Variants in MLYCD observed in about 807,000 individuals in gnomAD.
The protein encoded by MLYCD is malonyl-CoA decarboxylase.
In MLYCD, 27 loss-of-function variants were observed where a neutral mutation model predicts 35.8. The ratio of observed to expected loss-of-function variants is 0.75; its 90% CI spans 0.56 to 1.04. The LOEUF (loss-of-function observed/expected upper bound fraction) is 1.04. Ranked by LOEUF, MLYCD falls within the 50% of genes least tolerant of loss-of-function variation. The probability of loss-of-function intolerance (pLI) is 0.00; values close to 1 mark genes in which losing one functional copy is unlikely to be tolerated. For synonymous variants in MLYCD, 403 were observed against 302.4 expected, an observed-to-expected ratio of 1.33 and a Z score of -3.45; for missense variants, 917 against 665.1, an observed-to-expected ratio of 1.38 and a Z score of -4.17.
intron 3 of MLYCD, among the ~76,000 whole-genome samples, chr16:83,910,541 T>C (rs1907137386): frequency 6.6e-6 from 1 of 151,768 alleles, no homozygotes; most frequent in Non-Finnish European, 1.5e-5. Context: ...AATACAAAAA[T>C]TAGCCGGGTG....
chr16:83,904,260 G>T (rs933213608), intron 1 of MLYCD, among the ~76,000 whole-genome samples: 3 of 152,134 alleles, frequency 2.0e-5, no homozygotes, highest in Non-Finnish European at 2.9e-5. Flanking sequence ...CTAAACTGGG[G>T]TACAGAAGCC....
chr16:83,907,092 A>C lies in MLYCD; in HGVS notation c.634A>C (p.Ile212Leu). 1 of 1,611,096 alleles carries C rather than the reference A, an allele frequency of 6.2e-7. No homozygotes were observed. Among genetic ancestry groups the C allele is most frequent in the Middle Eastern group, 1.7e-4 (1 of 6,056 alleles). The change falls in exon 2 of 5, where the codon ATC becomes CTC. Residue 212 changes from isoleucine to leucine, a missense_variant. Transcript: ENST00000262430. ...TTCACCGTGTGAAGTGCTTCAGAAA[A>C]TCAGTGAGTAAGTATTACGGTTTTC... ...WHSPCEVLQK[I>L]SEAEAVHPVK...
rs1907383291 is a variant in MLYCD, at chr16:83,916,264, T to C, written c.*775T>C. ...TCAGCCAGCCAGCCTACGGGGAGTT[T>C]GGGATGAAGGAGCCTGGGGTGTGTT... On this transcript the variant is annotated 3_prime_UTR_variant, in exon 5 of 5. Transcript: ENST00000262430. 3.2e-6 allele frequency: 3 copies of C among 938,480 alleles called. No homozygotes were observed. The highest frequency in any genetic ancestry group is 1.8e-5 in the African/African-American group (1 of 56,236). 58.1% of individuals were successfully genotyped at this position (938,480 alleles called of 1,614,324 possible).
chr16:83,909,221 C>A (rs924438230), intron 3 of MLYCD, among the ~76,000 whole-genome samples: 1 of 152,040 alleles, frequency 6.6e-6, no homozygotes, highest in African/African-American at 2.4e-5. Flanking sequence ...TCTGGCCTAA[C>A]AATTCCACTC....
chr16:83,920,976 AGG>A lies in MLYCD; in HGVS notation c.*5488_*5489del. The A allele has an allele frequency of 6.7e-6, 1 of 149,244 alleles. No individual in the cohort carries two copies. Among genetic ancestry groups the A allele is most frequent in the South Asian group, 2.1e-4 (1 of 4,684 alleles). The allele number at this position is 149,244 out of a possible 1,614,324, so 9.2% of individuals were successfully genotyped here. A position where few individuals can be genotyped will look rare whatever the true frequency, so the allele number is the denominator to read the frequency against. On this transcript the variant is annotated 3_prime_UTR_variant, in exon 5 of 5. Coordinates refer to ENST00000262430, the MANE Select transcript of MLYCD (RefSeq NM_012213.3). ...GGATGGTGGAGGGTTAATGGAAGGA[AGG>A]AAGATGGATGGGTGGAAGGAAGATG...
At position 83,915,688 on chromosome 16, in the gene MLYCD, T is replaced by A. The variant is rs915902231; in HGVS notation, c.*199T>A. The A allele has an allele frequency of 6.8e-7, 1 of 1,465,286 alleles. No individual in the cohort carries two copies. The highest frequency in any genetic ancestry group is 1.4e-5 in the African/African-American group (1 of 71,200). The allele number at this position is 1,465,286 out of a possible 1,614,324, so 90.8% of individuals were successfully genotyped here. ...GTGACATGCACCCAGTGCAAGACGG[T>A]TGTGGGTGCGGGTGCACACAAATGA... is the stretch of plus-strand genomic sequence containing the variant. On this transcript the variant is annotated 3_prime_UTR_variant, in exon 5 of 5. Transcript: ENST00000262430.
intron 3 of MLYCD, chr16:83,911,880 T>A: frequency 5.7e-6 from 2 of 349,240 alleles, no homozygotes; most frequent in South Asian, 4.9e-5. Context: ...TATCGCTGAG[T>A]GTTGGCCGGA....
chr16:83,903,483 C>T (rs1350459823), intron 1 of MLYCD, among the ~76,000 whole-genome samples: 4 of 152,154 alleles, frequency 2.6e-5, no homozygotes, highest in African/African-American at 9.7e-5. Context: ...TGACTTTATC[C>T]TCCCTTCCCC....
intron 3 of MLYCD, among the ~76,000 whole-genome samples, chr16:83,910,445 G>T (rs537119805): frequency 2.6e-5 from 4 of 151,980 alleles, no homozygotes; most frequent in Non-Finnish European, 5.9e-5. Context: ...CCAACACCCC[G>T]GGAGGCTGAG....
rs896338117 is a variant in MLYCD, at chr16:83,918,388, TCACA to T, written c.*2904_*2907del. ...ACGCACACATGTTGCACAGGAGAAT[TCACA>T]CACAGTGCACAGGAGAACACACAGT... On this transcript the variant is annotated 3_prime_UTR_variant, in exon 5 of 5. Transcript: ENST00000262430. 2.8e-5 allele frequency: 3 copies of T among 107,394 alleles called. No individual in the cohort carries two copies. Among genetic ancestry groups the T allele is most frequent in the South Asian group, 3.0e-4 (1 of 3,364 alleles). The allele number at this position is 107,394 out of a possible 1,614,324, so 6.7% of individuals were successfully genotyped here.
intron 1 of MLYCD, among the ~76,000 whole-genome samples, chr16:83,906,299 G>A (rs1324228970): frequency 6.6e-6 from 1 of 152,140 alleles, no homozygotes; most frequent in Non-Finnish European, 1.5e-5. Flanking sequence ...GCTGAGACAG[G>A]AGGACCACAT....
At position 83,916,020 on chromosome 16, in the gene MLYCD, AG is replaced by A; in HGVS notation, c.*533del. The stretch of plus-strand genomic sequence containing the variant: ...TTCTGAAGCTCATAAATGTATGAGA[AG>A]GTTTGTGATTTTGCACAAGGTGTGT... On this transcript the variant is annotated 3_prime_UTR_variant, in exon 5 of 5. Transcript: ENST00000262430. 1 of 1,005,666 alleles carries A rather than the reference AG, an allele frequency of 9.9e-7. No individual in the cohort carries two copies. The highest frequency in any genetic ancestry group is 1.2e-6 in the Non-Finnish European group (1 of 840,308). The allele number at this position is 1,005,666 out of a possible 1,614,324, so 62.3% of individuals were successfully genotyped here.
rs1342049518 is a variant in MLYCD at position 83,919,821 on chromosome 16, C to G, written c.*4332C>G. The G allele has an allele frequency of 3.3e-5, 5 of 152,152 alleles. No individual in the cohort carries two copies. Among genetic ancestry groups the G allele is most frequent in the African/African-American group, 7.3e-5 (3 of 41,254 alleles). 9.4% of individuals were successfully genotyped at this position (152,152 alleles called of 1,614,324 possible). A position where few individuals can be genotyped will look rare whatever the true frequency, so the allele number is the denominator to read the frequency against. ...ACAGAACACACGGTGCACAGGAGAA[C>G]ACGCAGTGCACAGGAGAACATGCAA... On this transcript the variant is annotated 3_prime_UTR_variant, in exon 5 of 5. Coordinates refer to ENST00000262430, the MANE Select transcript of MLYCD (RefSeq NM_012213.3).
intron 3 of MLYCD, among the ~76,000 whole-genome samples, chr16:83,910,544 G>T (rs1390010263): frequency 6.6e-6 from 1 of 152,058 alleles, no homozygotes; most frequent in Non-Finnish European, 1.5e-5. Flanking sequence ...ACAAAAATTA[G>T]CCGGGTGTGG....
At chr16:83,905,747 C>T (rs1906951994) in intron 1 of MLYCD, among the ~76,000 whole-genome samples, 1 of 152,190 alleles carries the variant, frequency 6.6e-6, no homozygotes, top group Admixed American at 6.5e-5. Context: ...ACATGGCTGC[C>T]CCCAGCCGCA....
rs995398591 is a variant in MLYCD, at chr16:83,922,529, C to T, written c.*7040C>T. On this transcript the variant is annotated 3_prime_UTR_variant, in exon 5 of 5. Coordinates refer to ENST00000262430, the MANE Select transcript of MLYCD (RefSeq NM_012213.3). ...CTTTGGCTCCGGCCAGTGCCCAGTT[C>T]AAATGCTGGCCCCACCACTTCCAGC... 1 of 152,278 alleles carries T rather than the reference C, an allele frequency of 6.6e-6. No homozygotes were observed. The highest frequency in any genetic ancestry group is 2.4e-5 in the African/African-American group (1 of 41,464). 9.4% of individuals were successfully genotyped at this position (152,278 alleles called of 1,614,324 possible). A position where few individuals can be genotyped will look rare whatever the true frequency, so the allele number is the denominator to read the frequency against.
Position 83,911,921 on chromosome 16 carries a change from A to G in MLYCD, c.799-297A>G, listed in dbSNP as rs146606610. 2.3e-4 allele frequency: 93 copies of G among 404,112 alleles called. No individual in the cohort carries two copies. Among genetic ancestry groups the G allele is most frequent in the African/African-American group, 1.4e-3 (67 of 48,914 alleles). 25.0% of individuals were successfully genotyped at this position (404,112 alleles called of 1,614,324 possible). ...TATGGAGCAAGTTTTTGTTTGCACA[A>G]AGGCCTAAAAGAGACAGAAAGGGGC... On this transcript the variant is annotated intron_variant, in intron 3 of 4. Coordinates refer to ENST00000262430, the MANE Select transcript of MLYCD (RefSeq NM_012213.3).
intron 1 of MLYCD, among the ~76,000 whole-genome samples, chr16:83,906,749 G>T (rs774647669): frequency 1.3e-5 from 2 of 152,278 alleles, no homozygotes; most frequent in Admixed American, 6.5e-5. Context: ...TCCTTCAGAG[G>T]TCTTAACAGA....
At position 83,916,783 on chromosome 16, in the gene MLYCD, C is replaced by T. The variant is rs1164516332; in HGVS notation, c.*1294C>T. On this transcript the variant is annotated 3_prime_UTR_variant, in exon 5 of 5. Transcript: ENST00000262430. ...CAGTGCACGTCTGTGTGCATGTGCA[C>T]GAGCGTTCTATGTGGATCAGTGCAC... The T allele has an allele frequency of 1.6e-5, 2 of 124,792 alleles. No homozygotes were observed. The highest frequency in any genetic ancestry group is 2.5e-4 in the East Asian group (1 of 3,962). The allele number at this position is 124,792 out of a possible 1,614,324, so 7.7% of individuals were successfully genotyped here.
Sources: gnomAD v4.1 joint callset for allele counts (sites outside exome capture counted in the v4.1 genomes callset) on GRCh38, gnomAD v4.1.1 for gene constraint, MANE v1.5 for transcripts, NCBI Gene and HGNC (gene_info 2026-07-23, HGNC 2026-07-21) for gene names.